The following ENOX2 variants were observed in gnomAD, a reference collection of about 807,000 sequenced individuals.
The protein encoded by ENOX2 is APK1 antigen.
ENOX2 carries 36 observed loss-of-function variants against 45.0 expected under a neutral mutation model. That is an observed-to-expected ratio of 0.80 (90% CI 0.61 to 1.06). The LOEUF is 1.06. Among genes scored for constraint, ENOX2 ranks in the 50% least tolerant of loss-of-function variants. ENOX2 has a pLI of 0.00. For missense variants in ENOX2, 423 were observed against 462.5 expected (o/e 0.91, Z 0.78); for synonymous variants, 174 against 152.3 (o/e 1.14, Z -1.05).
chrX:130,824,124 T>A (rs2148473707), intron 2 of ENOX2, among the ~76,000 whole-genome samples: 1 of 112,202 alleles, frequency 8.9e-6, no homozygotes, highest in African/African-American at 3.2e-5. Context: ...ATAAAGGAAC[T>A]GACAGATTTC....
intron 2 of ENOX2, among the ~76,000 whole-genome samples, chrX:130,797,111 T>C (rs1218891563): frequency 9.0e-6 from 1 of 111,276 alleles, no homozygotes; most frequent in Admixed American, 9.5e-5. Context: ...TGTATGAGAG[T>C]TAAAATCATG....
chrX:130,881,501 T>C (rs960065176), intron 2 of ENOX2, among the ~76,000 whole-genome samples: 1 of 112,282 alleles, frequency 8.9e-6, no homozygotes, highest in Non-Finnish European at 1.9e-5. Context: ...GGGATGGGGA[T>C]TCAGAAATCT....
intron 2 of ENOX2, among the ~76,000 whole-genome samples, chrX:130,894,095 T>C (rs2079022166): frequency 8.9e-6 from 1 of 111,922 alleles, no homozygotes; most frequent in African/African-American, 3.3e-5. Context: ...AAGGAAACAA[T>C]TGTTCAAAGT....
intron 3 of ENOX2, among the ~76,000 whole-genome samples, chrX:130,725,456 GT>G (rs936144700): frequency 9.2e-6 from 1 of 108,340 alleles, no homozygotes; most frequent in African/African-American, 3.4e-5. Context: ...AAAGTGCCAT[GT>G]TTTTGTGCCC....
At chrX:130,692,643 C>T (rs1237961019) in intron 4 of ENOX2, among the ~76,000 whole-genome samples, 3 of 103,056 alleles carry the variant, frequency 2.9e-5, no homozygotes, top group Non-Finnish European at 5.9e-5. Context: ...TGGAGTGGTG[C>T]GATCTCAGCT....
At position 130,702,595 on chromosome X, in the gene ENOX2, G is replaced by A. The variant is rs1333346239; in HGVS notation, c.97+525C>T. ...TTCTGCTTCTCATTTTATCTTCAGC[G>A]GAGATGGAGTTAGTCCACCATGTCA... is the stretch of plus-strand genomic sequence containing the variant. On this transcript the variant is annotated intron_variant, in intron 4 of 14. Coordinates refer to ENST00000394363, the MANE Select transcript of ENOX2 (RefSeq NM_006375.4). Among the ~76,000 whole-genome samples the A allele has an allele frequency of 9.9e-5, 11 of 111,642 alleles. No homozygotes were observed. In the East Asian group the frequency reaches 2.8e-3, roughly 28 times the overall value.
At chrX:130,884,108 C>G (rs962415506) in intron 2 of ENOX2, among the ~76,000 whole-genome samples, 1 of 111,647 alleles carries the variant, frequency 9.0e-6, no homozygotes, top group Non-Finnish European at 1.9e-5. Context: ...TCCTCTAATC[C>G]TGATCTGTTC....
At chrX:130,703,381 G>T in intron 3 of ENOX2, 127 bp from the exon 4 acceptor site, 3 of 555,861 alleles carry the variant, frequency 5.4e-6, no homozygotes, top group East Asian at 7.5e-5. Context: ...GGTGGATAAG[G>T]CCTCAATGCC....
At chrX:130,720,937 G>A (rs1017157534) in intron 3 of ENOX2, among the ~76,000 whole-genome samples, 3 of 111,903 alleles carry the variant, frequency 2.7e-5, no homozygotes, top group Non-Finnish European at 3.8e-5. Flanking sequence ...GCACATTCCC[G>A]CATGAATGTT....
intron 3 of ENOX2, among the ~76,000 whole-genome samples, chrX:130,750,320 A>G (rs2039189093): frequency 9.2e-6 from 1 of 108,802 alleles, no homozygotes; most frequent in Admixed American, 9.7e-5. Flanking sequence ...TCTTTCTGTC[A>G]GTCTCTGTAT....
intron 3 of ENOX2, among the ~76,000 whole-genome samples, chrX:130,719,475 A>G: frequency 9.1e-6 from 1 of 110,257 alleles, no homozygotes; most frequent in East Asian, 2.8e-4. Context: ...AAAAAAAAAA[A>G]AAAACCAGAC....
rs944877097 is a variant in ENOX2 at position 130,720,925 on chromosome X, C to T, written c.-38-17671G>A. Among the ~76,000 whole-genome samples the T allele has an allele frequency of 3.6e-5, 4 of 111,750 alleles. No individual in the cohort carries two copies. The Admixed American group carries it at 3.8e-4, about 11-fold the overall frequency. On this transcript the variant is annotated intron_variant, in intron 3 of 14. Transcript: ENST00000394363. ...CTGGTTAGAGGAAAAGATGGGATGTCGGCACATTCCCGCATGAATGTTACC... is the reference window on the plus strand; with the variant it reads ...CTGGTTAGAGGAAAAGATGGGATGTTGGCACATTCCCGCATGAATGTTACC...
chrX:130,892,872 T>C (rs1486643584), intron 2 of ENOX2, among the ~76,000 whole-genome samples: 1 of 112,556 alleles, frequency 8.9e-6, no homozygotes, highest in Non-Finnish European at 1.9e-5. Flanking sequence ...TAATCTGAAA[T>C]GCAGAAAAGA....
chrX:130,735,073 C>T (rs750985820), intron 3 of ENOX2, among the ~76,000 whole-genome samples: 3 of 112,343 alleles, frequency 2.7e-5, no homozygotes, highest in Non-Finnish European at 3.8e-5. Flanking sequence ...GGGACATCAC[C>T]ACCTCTGTGC....
intron 2 of ENOX2, among the ~76,000 whole-genome samples, chrX:130,893,021 G>A (rs1174812898): frequency 1.8e-5 from 2 of 111,694 alleles, no homozygotes; most frequent in African/African-American, 3.3e-5. Context: ...AAAGGTTGAC[G>A]AAAAGGAGAG....
At chrX:130,649,080 C>T (rs1172763820) in intron 10 of ENOX2, among the ~76,000 whole-genome samples, 31 of 78,242 alleles carry the variant, frequency 4.0e-4, no homozygotes, top group Admixed American at 1.4e-4. Flanking sequence ...AAAAAAAAGC[C>T]TGACACCTCC....
chrX:130,898,502 G>A (rs1018373968), intron 2 of ENOX2, among the ~76,000 whole-genome samples: 2 of 110,481 alleles, frequency 1.8e-5, no homozygotes, highest in Admixed American at 9.6e-5. Context: ...GCGTGTGTGT[G>A]TGCGTGTGTG....
At chrX:130,843,333 A>G (rs937895828) in intron 2 of ENOX2, among the ~76,000 whole-genome samples, 1 of 111,144 alleles carries the variant, frequency 9.0e-6, no homozygotes, top group African/African-American at 3.3e-5. Context: ...TCTCAATAAC[A>G]AACATAATAA....
At chrX:130,841,446 C>T (rs773532805) in intron 2 of ENOX2, among the ~76,000 whole-genome samples, 1 of 111,769 alleles carries the variant, frequency 8.9e-6, no homozygotes, top group African/African-American at 3.2e-5. Flanking sequence ...ACCCTTAGTT[C>T]ACTCCAACAT....
Sources: gnomAD v4.1 joint callset for allele counts (sites outside exome capture counted in the v4.1 genomes callset) on GRCh38, gnomAD v4.1.1 for gene constraint, MANE v1.5 for transcripts, NCBI Gene and HGNC (gene_info 2026-07-23, HGNC 2026-07-21) for gene names.